RSF1: variants seen among roughly 807,000 people sequenced by gnomAD.
RSF1 encodes remodeling and spacing factor 1, also known as HBV pX-associated protein 8.
RSF1 carries 13 observed loss-of-function variants against 145.2 expected under a neutral mutation model. The ratio of observed to expected loss-of-function variants is 0.09; its 90% CI spans 0.06 to 0.14. The LOEUF (loss-of-function observed/expected upper bound fraction) is 0.14, where lower values mean the gene tolerates loss of function less well. Among genes scored for constraint, RSF1 ranks in the 10% least tolerant of loss-of-function variants. RSF1 has a pLI of 1.00. For synonymous variants in RSF1, 577 were observed against 592.6 expected, an observed-to-expected ratio of 0.97 and a Z score of 0.38; for missense variants, 1,517 against 1,718.2, an observed-to-expected ratio of 0.88 and a Z score of 2.07.
intron 2 of RSF1, 77 bp from the exon 3 acceptor site, chr11:77,747,205 T>C (rs1948010744): frequency 1.1e-6 from 1 of 872,050 alleles, no homozygotes; most frequent in Admixed American, 2.0e-5. Flanking sequence ...ACTATGCTGT[T>C]CTTGTTAATA....
rs746691673 is a variant in RSF1, at chr11:77,675,295, G to C, written c.3342-39C>G. 10 of 1,527,986 alleles carry C rather than the reference G, an allele frequency of 6.5e-6. No homozygotes were observed. In the African/African-American group the frequency reaches 1.1e-4, roughly 17 times the overall value. The allele number at this position is 1,527,986 out of a possible 1,614,324, so 94.7% of individuals were successfully genotyped here. A position where few individuals can be genotyped will look rare whatever the true frequency, so the allele number is the denominator to read the frequency against. ...ATCAGATAAAATACAATGGTATTTA[G>C]AAGAGTGAACCCATTTTTAAGAGTT... On this transcript the variant is annotated intron_variant, in intron 13 of 15. Coordinates refer to ENST00000308488, the MANE Select transcript of RSF1 (RefSeq NM_016578.4).
chr11:77,696,350 ATACATT>A (rs1431580053), intron 7 of RSF1, among the ~76,000 whole-genome samples: 5 of 152,198 alleles, frequency 3.3e-5, no homozygotes, highest in Non-Finnish European at 5.9e-5. Flanking sequence ...ATATTCATTT[ATACATT>A]TATTGCTTTT....
the RSF1 span, among the ~76,000 whole-genome samples, chr11:77,847,351 T>C: frequency 6.6e-6 from 1 of 152,240 alleles, no homozygotes; most frequent in African/African-American, 2.4e-5. Flanking sequence ...GTAGGTTGTA[T>C]AGTCTATCAC....
chr11:77,671,287 T>C (rs955469879), intron 15 of RSF1, among the ~76,000 whole-genome samples: 2 of 147,612 alleles, frequency 1.4e-5, no homozygotes, highest in Non-Finnish European at 3.0e-5. Context: ...GCTTGTCTTG[T>C]ACTACTGGTA....
the RSF1 span, among the ~76,000 whole-genome samples, chr11:77,862,412 G>C: frequency 6.6e-6 from 1 of 152,132 alleles, no homozygotes; most frequent in Admixed American, 6.5e-5. Flanking sequence ...AATTTACCTA[G>C]GTCTATTTTA....
chr11:77,804,699 G>A (rs1275455331), intron 1 of RSF1, among the ~76,000 whole-genome samples: 1 of 152,090 alleles, frequency 6.6e-6, no homozygotes, highest in Non-Finnish European at 1.5e-5. Context: ...TGAGTATGGT[G>A]ACACGTTCCT....
At chr11:77,861,348 T>G in the RSF1 span, among the ~76,000 whole-genome samples, 4 of 152,232 alleles carry the variant, frequency 2.6e-5, no homozygotes, top group African/African-American at 9.6e-5. Flanking sequence ...AGTGACTGGC[T>G]GTCCTAGGAC....
At chr11:77,823,422 T>C (rs1949023313), upstream of RSF1, among the ~76,000 whole-genome samples, 1 of 151,570 alleles carries the variant, frequency 6.6e-6, no homozygotes, top group South Asian at 2.1e-4. Context: ...CCTGGGGACC[T>C]GAAGACTCCA....
chr11:77,698,421 A>G, intron 7 of RSF1, 66 bp downstream of exon 7: 5 of 1,289,264 alleles, frequency 3.9e-6, no homozygotes, highest in Non-Finnish European at 5.6e-6. Context: ...CAGAAGAGTT[A>G]GGCTGCTCCA....
At chr11:77,700,401 CA>C (rs1409742867) in intron 6 of RSF1, among the ~76,000 whole-genome samples, 1 of 145,986 alleles carries the variant, frequency 6.8e-6, no homozygotes, top group Non-Finnish European at 1.5e-5. Context: ...CTATACCCCA[CA>C]CTGTTAATAG....
chr11:77,689,134 A>T (rs552599599), intron 9 of RSF1, among the ~76,000 whole-genome samples: 21 of 152,336 alleles, frequency 1.4e-4, no homozygotes, highest in African/African-American at 4.8e-4. Flanking sequence ...AAGTCCTATG[A>T]CAGATTAATC....
In RSF1 at chr11:77,701,916, C is replaced by T; in HGVS notation, c.1313G>A (p.Gly438Glu). The change falls in exon 6 of 16, where the codon GGG (glycine) becomes GAG (glutamate). Residue 438 changes from glycine to glutamate, a missense_variant. Gly to Glu is a moderately conservative substitution (Grantham distance 98). Coordinates refer to ENST00000308488, the MANE Select transcript of RSF1 (RefSeq NM_016578.4). ...ISTITALGHE[G>E]KQLVNGEVSD... ...AACTTCTCCATTTACCAGCTGTTTCCCTTCATGACCCAAAGCAGTGATTGT... is the reference window on the plus strand; with the variant it reads ...AACTTCTCCATTTACCAGCTGTTTCTCTTCATGACCCAAAGCAGTGATTGT... 1 of 1,613,714 alleles carries T rather than the reference C, an allele frequency of 6.2e-7. No individual in the cohort carries two copies. The highest frequency in any genetic ancestry group is 8.5e-7 in the Non-Finnish European group (1 of 1,179,880).
rs748262647 is a variant in RSF1, at chr11:77,764,701, GA to G, written c.188-13del. 359 of 1,466,860 alleles carry G rather than the reference GA, an allele frequency of 2.4e-4. No homozygotes were observed. The highest frequency in any genetic ancestry group is 2.8e-4 in the Non-Finnish European group (294 of 1,064,704). 90.9% of individuals were successfully genotyped at this position (1,466,860 alleles called of 1,614,324 possible). On this transcript the variant is annotated splice_polypyrimidine_tract_variant and intron_variant, in intron 1 of 15. Transcript: ENST00000308488. ...CAATTCTTTTGGTACTTAAAAGAAA[GA>G]AAAAAAATATCATTAGCCAACAAAA...
chr11:77,842,084 G>A, the RSF1 span, among the ~76,000 whole-genome samples: 1 of 152,174 alleles, frequency 6.6e-6, no homozygotes, highest in Admixed American at 6.5e-5. Context: ...TTCTCTGATT[G>A]TGGTATATGC....
chr11:77,679,828 A>C (rs571137219), intron 11 of RSF1, among the ~76,000 whole-genome samples: 17 of 152,332 alleles, frequency 1.1e-4, no homozygotes, highest in Non-Finnish European at 1.8e-4. Context: ...TGACTTAAAG[A>C]AAAGGATCAA....
At chr11:77,793,955 T>C (rs897461969) in intron 1 of RSF1, among the ~76,000 whole-genome samples, 1 of 151,886 alleles carries the variant, frequency 6.6e-6, no homozygotes, top group African/African-American at 2.4e-5. Flanking sequence ...CATTATACAA[T>C]GATAAAGGGA....
At chr11:77,728,877 A>C (rs1311616203) in intron 4 of RSF1, among the ~76,000 whole-genome samples, 1 of 151,868 alleles carries the variant, frequency 6.6e-6, no homozygotes, top group Non-Finnish European at 1.5e-5. Flanking sequence ...AAAAAAAAAA[A>C]ACTGCTCAAT....
chr11:77,819,533 G>T (rs781454404), intron 1 of RSF1, among the ~76,000 whole-genome samples: 1 of 152,190 alleles, frequency 6.6e-6, no homozygotes, highest in African/African-American at 2.4e-5. Context: ...TATGTGGAAG[G>T]AGCACCACTT....
At chr11:77,823,767 G>C (rs113776872), upstream of RSF1, among the ~76,000 whole-genome samples, 115 of 151,712 alleles carry the variant, frequency 7.6e-4, no homozygotes, top group Non-Finnish European at 1.4e-3. Context: ...AAATAAAATT[G>C]TATCTTTGTG....
Sources: gnomAD v4.1 joint callset for allele counts (sites outside exome capture counted in the v4.1 genomes callset) on GRCh38, gnomAD v4.1.1 for gene constraint, MANE v1.5 for transcripts, NCBI Gene and HGNC (gene_info 2026-07-23, HGNC 2026-07-21) for gene names.